NBPF20: variants seen among roughly 807,000 people sequenced by gnomAD.
The protein encoded by NBPF20 is NBPF member 20.
A neutral mutation model predicts 68.1 loss-of-function variants in NBPF20; 90 were observed. The observed-to-expected ratio is 1.32, with a 90% confidence interval of 1.11 to 1.58. NBPF20 has a LOEUF of 1.58. NBPF20 is among the 40% of genes most tolerant of loss of function. The probability of loss-of-function intolerance (pLI) is 0.00; values close to 1 mark genes in which losing one functional copy is unlikely to be tolerated. For synonymous variants in NBPF20, 290 were observed against 228.1 expected, an observed-to-expected ratio of 1.27 and a Z score of -2.45; for missense variants, 816 against 601.2, an observed-to-expected ratio of 1.36 and a Z score of -3.74.
chr1:145,396,279 T>C (rs1186936725), intron 7 of NBPF20, among the ~76,000 whole-genome samples: 2 of 151,814 alleles, frequency 1.3e-5, no homozygotes, highest in East Asian at 3.9e-4. Context: ...ATTAGTGAAA[T>C]GAAGCGAGAA....
intron 2 of NBPF20, among the ~76,000 whole-genome samples, chr1:145,404,725 TA>T (rs1662687031): frequency 6.6e-6 from 1 of 152,146 alleles, no homozygotes; most frequent in Non-Finnish European, 1.5e-5. Flanking sequence ...TTGAACTGAA[TA>T]AAAGTTCACT....
chr1:145,425,187 TG>T, the NBPF20 span, among the ~76,000 whole-genome samples: 3 of 152,096 alleles, frequency 2.0e-5, no homozygotes, highest in African/African-American at 4.8e-5. Context: ...ATCCAACGCA[TG>T]GAACTTAAGC....
intron 2 of NBPF20, among the ~76,000 whole-genome samples, chr1:145,404,744 G>A (rs1370324634): frequency 1.3e-5 from 2 of 152,052 alleles, no homozygotes; most frequent in African/African-American, 2.4e-5. Context: ...ACTAGTCCTA[G>A]ACATTTAGAA....
the NBPF20 span, among the ~76,000 whole-genome samples, chr1:145,425,260 C>G: frequency 1.3e-5 from 2 of 149,908 alleles, no homozygotes; most frequent in African/African-American, 4.9e-5. Context: ...CTCCGTCGCT[C>G]GCAACAAAGC....
the NBPF20 span, among the ~76,000 whole-genome samples, chr1:145,423,568 G>GA: frequency 2.0e-5 from 3 of 152,148 alleles, no homozygotes; most frequent in East Asian, 3.9e-4. Flanking sequence ...CACATATCCG[G>GA]AAAAAAGTAT....
chr1:145,419,028 GAAGA>G, the NBPF20 span, among the ~76,000 whole-genome samples: 2 of 140,212 alleles, frequency 1.4e-5, no homozygotes, highest in Admixed American at 7.5e-5. Flanking sequence ...AAAAAGAAAA[GAAGA>G]AAGGAAGAAA....
At chr1:145,291,732 C>A (rs782582783) in exon 138 of NBPF20, 5 of 1,611,804 alleles carry the variant, frequency 3.1e-6, no homozygotes, top group Non-Finnish European at 2.5e-6. Flanking sequence ...TCCTGTAAGA[C>A]TTCAGGCTCT....
the NBPF20 span, among the ~76,000 whole-genome samples, chr1:145,419,433 G>A: frequency 6.6e-6 from 1 of 152,070 alleles, no homozygotes; most frequent in Non-Finnish European, 1.5e-5. Context: ...AATTCCTCTG[G>A]CCCACTGTTG....
chr1:145,403,880 A>G (rs1662641745), intron 2 of NBPF20, among the ~76,000 whole-genome samples: 2 of 151,836 alleles, frequency 1.3e-5, no homozygotes, highest in Admixed American at 1.3e-4. Flanking sequence ...ATATGCCCAA[A>G]TGTTAATAAA....
the NBPF20 span, among the ~76,000 whole-genome samples, chr1:145,425,434 C>T: frequency 7.9e-5 from 12 of 152,312 alleles, no homozygotes; most frequent in Admixed American, 7.8e-4. Context: ...TCGGCCCGCT[C>T]CTGGCGCCAC....
chr1:145,292,639 G>C (rs1661211876), intron 136 of NBPF20, 150 bp from the exon 142 acceptor site: 8 of 732,106 alleles, frequency 1.1e-5, no homozygotes, highest in Admixed American at 5.8e-5. Context: ...CCTGAAGGCT[G>C]TTCATGATAG....
At chr1:145,402,347 C>G in exon 4 of NBPF20, 2 of 1,601,158 alleles carry the variant, frequency 1.2e-6, no homozygotes, top group South Asian at 2.2e-5. Flanking sequence ...TGGGTCAGCT[C>G]TCGTTCCTGA....
the NBPF20 span, among the ~76,000 whole-genome samples, chr1:145,412,059 T>C: frequency 7.4e-6 from 1 of 134,818 alleles, no homozygotes; most frequent in African/African-American, 2.9e-5. Flanking sequence ...TTAAAGCTGA[T>C]GGGAGTTTAT....
At position 145,291,789 on chromosome 1, in the gene NBPF20, T is replaced by C. The variant is rs782571945; in HGVS notation, c.16698-20A>G. On this transcript the variant is annotated intron_variant, in intron 137 of 137. Transcript: ENST00000369373. ...TTGAGCCTGGAAAAGGAGACAAAAC[T>C]AAAGAAGCAGCCAGGGAAAATCAGA... 2.2e-5 allele frequency: 36 copies of C among 1,611,224 alleles called. No individual in the cohort carries two copies. The highest frequency in any genetic ancestry group is 4.0e-5 in the African/African-American group (3 of 74,518).
exon 137 of NBPF20, chr1:145,292,456 C>T (rs782106323): frequency 5.3e-5 from 38 of 716,716 alleles, no homozygotes; most frequent in Non-Finnish European, 4.7e-5. Context: ...TCTTCTTCCC[C>T]TTCTTTTCTT....
chr1:145,406,558 A>T (rs1200646895), upstream of NBPF20, among the ~76,000 whole-genome samples: 1 of 151,858 alleles, frequency 6.6e-6, no homozygotes, highest in African/African-American at 2.4e-5. Context: ...ATTTCTATGA[A>T]AGATGTAGGC....
At chr1:145,405,692 G>A (rs1459183629), upstream of NBPF20, 8 of 538,486 alleles carry the variant, frequency 1.5e-5, no homozygotes, top group African/African-American at 1.5e-4. Context: ...CACCAATGGG[G>A]ATCATTCCTT....
At chr1:145,415,242 G>C in the NBPF20 span, among the ~76,000 whole-genome samples, 1 of 151,686 alleles carries the variant, frequency 6.6e-6, no homozygotes, top group African/African-American at 2.4e-5. Context: ...ATTGCTGCCA[G>C]CATGTCCCAC....
At chr1:145,400,764 A>T (rs1168106849) in intron 5 of NBPF20, among the ~76,000 whole-genome samples, 170 bp from the exon 11 acceptor site, 2,610 of 152,246 alleles carry the variant, frequency 0.017, 41 homozygotes, top group Non-Finnish European at 0.026. Context: ...GCAACAGAGC[A>T]TGGCTGCCAT....
Sources: allele counts gnomAD v4.1 joint callset (sites outside exome capture counted in the v4.1 genomes callset), GRCh38; gene constraint gnomAD v4.1.1; transcripts MANE v1.5; gene names NCBI Gene and HGNC (gene_info 2026-07-23, HGNC 2026-07-21).